The following NID2 variants were observed in gnomAD, a reference collection of about 807,000 sequenced individuals.
NID2 encodes the protein nidogen 2, also known as nidogen-2.
A neutral mutation model predicts 145.4 loss-of-function variants in NID2; 83 were observed. The observed-to-expected ratio is 0.57, with a 90% CI of 0.48 to 0.69. The LOEUF is 0.69. Ranked by LOEUF, NID2 falls within the 30% of genes least tolerant of loss-of-function variation. The pLI is 0.00. For missense variants in NID2, 1,807 were observed against 1,765.7 expected (o/e 1.02, Z -0.42); for synonymous variants, 739 against 701.3 (o/e 1.05, Z -0.85).
At position 52,038,806 on chromosome 14, in the gene NID2, T is replaced by C; in HGVS notation, c.2198A>G (p.Tyr733Cys). 1 of 1,613,134 alleles carries C rather than the reference T, an allele frequency of 6.2e-7. No homozygotes were observed. Among genetic ancestry groups the C allele is most frequent in the Non-Finnish European group, 8.5e-7 (1 of 1,179,678 alleles). The stretch of plus-strand genomic sequence containing the variant: ...TCTAAGCACTCTTTCTTCGTCATTA[T>C]ACAAGGCAAAGACCCGGTCCACGTT... ...QLNVDRVFAL[Y>C]NDEERVLRFA... The change falls in exon 9 of 22, where the codon TAT (tyrosine) becomes TGT (cysteine). Residue 733 changes from tyrosine (Y) to cysteine (C), a missense_variant. Coordinates refer to ENST00000216286, the MANE Select transcript of NID2 (RefSeq NM_007361.4).
intron 9 of NID2, among the ~76,000 whole-genome samples, chr14:52,033,430 TCA>T (rs1304306289): frequency 6.6e-6 from 1 of 152,152 alleles, no homozygotes; most frequent in Non-Finnish European, 1.5e-5. Flanking sequence ...AACAGCTGAC[TCA>T]CACTTAAAGC....
intron 19 of NID2, 173 bp from the exon 20 acceptor site, chr14:52,006,833 G>A: frequency 5.5e-6 from 3 of 541,688 alleles, no homozygotes; most frequent in Non-Finnish European, 6.2e-6. Flanking sequence ...CCAGTTTTTA[G>A]TAGAGATTCA....
chr14:52,014,400 G>GGGTCA lies in NID2; in HGVS notation c.3302_3306dup (p.Pro1103Ter). 2 of 1,614,208 alleles carry GGGTCA rather than the reference G, an allele frequency of 1.2e-6. No individual in the cohort carries two copies. Among genetic ancestry groups the GGGTCA allele is most frequent in the Middle Eastern group, 1.6e-4 (1 of 6,062 alleles). On this transcript the variant is annotated stop_gained and frameshift_variant, in exon 16 of 22. Transcript: ENST00000216286. LOFTEE classifies it high-confidence loss of function. ...AGCAGGAAGGTGCCCACAGATGGAGGGGTCACATCTGGCCGGGGCGTGGGC... is the reference window on the plus strand; with the variant it reads ...AGCAGGAAGGTGCCCACAGATGGAGGGGTCAGGTCACATCTGGCCGGGGCGTGGGC...
intron 2 of NID2, among the ~76,000 whole-genome samples, chr14:52,060,875 A>T (rs1045084377): frequency 6.6e-6 from 1 of 152,216 alleles, no homozygotes; most frequent in Non-Finnish European, 1.5e-5. Flanking sequence ...TTACTGTCTC[A>T]CAGCATCACT....
chr14:52,047,377 C>T (rs533254132), intron 5 of NID2, among the ~76,000 whole-genome samples: 15 of 151,852 alleles, frequency 9.9e-5, no homozygotes, highest in Admixed American at 4.6e-4. Flanking sequence ...TGAGGGCAGG[C>T]GTGGTGCTGT....
At chr14:52,061,361 C>A (rs1008199161) in intron 2 of NID2, among the ~76,000 whole-genome samples, 3 of 152,100 alleles carry the variant, frequency 2.0e-5, no homozygotes, top group African/African-American at 7.2e-5. Flanking sequence ...TTGTAAACAC[C>A]ATTCATTTAT....
chr14:52,046,634 T>C (rs1351951817), intron 5 of NID2, among the ~76,000 whole-genome samples: 1 of 152,206 alleles, frequency 6.6e-6, no homozygotes, highest in Non-Finnish European at 1.5e-5. Context: ...TGCAAAGGTT[T>C]ATAAATAGAT....
At position 52,042,316 on chromosome 14, in the gene NID2, G is replaced by A. The variant is rs1455570296; in HGVS notation, c.1614C>T (p.Gly538=). The A allele has an allele frequency of 3.1e-6, 5 of 1,613,036 alleles. No homozygotes were observed. In the African/African-American group the frequency reaches 5.3e-5, roughly 17 times the overall value. Reference sequence around the variant, plus strand: ...CGGGTGTATGGCCCACGTGGAGGTGGCCACTCACTTTCCCATTCACTCGGT... The same window carrying A: ...CGGGTGTATGGCCCACGTGGAGGTGACCACTCACTTTCCCATTCACTCGGT... ...APHRVNGKVS[G]HLHVGHTPVH... The change falls in exon 7 of 22, where the codon GGC becomes GGT. Residue 538 remains glycine, a synonymous_variant. Coordinates refer to ENST00000216286, the MANE Select transcript of NID2 (RefSeq NM_007361.4).
At chr14:52,038,664 A>G (rs1287161144) in intron 9 of NID2, 83 bp downstream of exon 9, 40 of 1,070,974 alleles carry the variant, frequency 3.7e-5, no homozygotes, top group Non-Finnish European at 4.8e-5. Context: ...GGCACTAGGT[A>G]ACCCTTAGTA....
chr14:52,005,786 T>C lies in NID2; in HGVS notation c.4068A>G (p.Gln1356=), dbSNP rs1345384975. ...GQFTDEYLPE[Q]RSHLYGITAV... ...CAGTTATCCCGTAGAGGTGAGATCGTTGTTCTGGGAGATACTCATCAGTAA... is the reference window on the plus strand; with the variant it reads ...CAGTTATCCCGTAGAGGTGAGATCGCTGTTCTGGGAGATACTCATCAGTAA... Residue 1356 remains glutamine, a synonymous_variant, in exon 21 of 22, where the codon CAA becomes CAG. Transcript: ENST00000216286. 1 of 1,613,978 alleles carries C rather than the reference T, an allele frequency of 6.2e-7. No individual in the cohort carries two copies. The highest frequency in any genetic ancestry group is 1.1e-5 in the South Asian group (1 of 91,078).
chr14:52,042,095 C>A lies in NID2; in HGVS notation c.1825+10G>T. ...TGCTGACTACCGGCCTTCTCAGAGG[C>A]CCTACTCACCTGCGAGGCTGAAGCC... On this transcript the variant is annotated intron_variant, in intron 7 of 21. Transcript: ENST00000216286. 1 of 1,576,666 alleles carries A rather than the reference C, an allele frequency of 6.3e-7. No individual in the cohort carries two copies. Among genetic ancestry groups the A allele is most frequent in the South Asian group, 1.2e-5 (1 of 84,100 alleles).
At chr14:52,059,874 C>A (rs1215543400) in intron 3 of NID2, among the ~76,000 whole-genome samples, 1 of 152,212 alleles carries the variant, frequency 6.6e-6, no homozygotes, top group African/African-American at 2.4e-5. Flanking sequence ...CTCAGTGGCT[C>A]TACAAATACA....
Position 52,020,125 on chromosome 14 carries a change from T to C in NID2, c.2728A>G (p.Thr910Ala). The stretch of plus-strand genomic sequence containing the variant: ...CAACGGCAGGAGAAGGAACCAGGAG[T>C]ATTGTAGCAGGTAGCTGCAGGGTGA... ...RCHPAATCYN[T>A]PGSFSCRCQP... Residue 910 changes from threonine (T) to alanine (A), a missense_variant, in exon 13 of 22, where the codon ACT (threonine) becomes GCT (alanine). Thr to Ala is a moderately conservative substitution (Grantham distance 58). Coordinates refer to ENST00000216286, the MANE Select transcript of NID2 (RefSeq NM_007361.4). 3 of 1,613,638 alleles carry C rather than the reference T, an allele frequency of 1.9e-6. No homozygotes were observed. The highest frequency in any genetic ancestry group is 2.5e-6 in the Non-Finnish European group (3 of 1,179,876).
chr14:52,005,737 C>G lies in NID2; in HGVS notation c.4117G>C (p.Gly1373Arg). 1 of 1,609,146 alleles carries G rather than the reference C, an allele frequency of 6.2e-7. No homozygotes were observed. Among genetic ancestry groups the G allele is most frequent in the Non-Finnish European group, 8.5e-7 (1 of 1,175,492 alleles). ...ITAVYPYCPT[G>R]RK ...GAGCATCCTAAAGCATACTTTTTACCTGTTGGGCAGTAGGGGTAGACTGCA... is the reference window on the plus strand; with the variant it reads ...GAGCATCCTAAAGCATACTTTTTACGTGTTGGGCAGTAGGGGTAGACTGCA... The change falls in exon 21 of 22, where the codon GGA (glycine) becomes CGA (arginine). Residue 1373 changes from glycine (G) to arginine (R), a missense_variant and splice_region_variant. Transcript: ENST00000216286.
intron 16 of NID2, among the ~76,000 whole-genome samples, chr14:52,012,530 C>T (rs551386679): frequency 6.6e-6 from 1 of 152,210 alleles, no homozygotes; most frequent in South Asian, 2.1e-4. Flanking sequence ...CCCAGGAAGT[C>T]AAGGCTGCAC....
chr14:52,033,669 T>C (rs186197980), intron 9 of NID2, among the ~76,000 whole-genome samples: 419 of 152,378 alleles, frequency 2.7e-3, no homozygotes, highest in Non-Finnish European at 5.1e-3. Context: ...TACTGCTGTG[T>C]ACCAAGAGGG....
chr14:52,040,981 G>C, intron 7 of NID2, 130 bp from the exon 8 acceptor site: 1 of 753,602 alleles, frequency 1.3e-6, no homozygotes, highest in Non-Finnish European at 2.3e-6. Flanking sequence ...TGATATCTGA[G>C]AGTAAGCACT....
At chr14:52,066,341 G>A (rs965979894) in intron 2 of NID2, among the ~76,000 whole-genome samples, 5 of 151,580 alleles carry the variant, frequency 3.3e-5, no homozygotes, top group Admixed American at 6.6e-5. Flanking sequence ...AAAATAGAAG[G>A]AATGAATAAG....
At position 52,015,418 on chromosome 14, in the gene NID2, C is replaced by T. The variant is rs562690039; in HGVS notation, c.3029-143G>A. The T allele has an allele frequency of 2.3e-5, 16 of 687,728 alleles. No homozygotes were observed. In the East Asian group the frequency reaches 4.4e-4, roughly 19 times the overall value. 42.6% of individuals were successfully genotyped at this position (687,728 alleles called of 1,614,324 possible). A position where few individuals can be genotyped will look rare whatever the true frequency, so the allele number is the denominator to read the frequency against. ...AGGTCTCAGCCAAGCCCGTGGACAC[C>T]AAACTTGGGAAGCAAATGTGTTCTA... On this transcript the variant is annotated intron_variant, in intron 14 of 21. Coordinates refer to ENST00000216286, the MANE Select transcript of NID2 (RefSeq NM_007361.4).
Sources: allele counts gnomAD v4.1 joint callset (sites outside exome capture counted in the v4.1 genomes callset), GRCh38; gene constraint gnomAD v4.1.1; transcripts MANE v1.5; gene names NCBI Gene and HGNC (gene_info 2026-07-23, HGNC 2026-07-21).